Variants in BRIP1 observed in about 807,000 individuals in gnomAD.
The protein encoded by BRIP1 is Fanconi anemia group J protein.
BRIP1 carries 88 observed loss-of-function variants against 119.7 expected under a neutral mutation model. The observed-to-expected ratio is 0.74, with a 90% CI of 0.62 to 0.88. BRIP1 has a LOEUF of 0.88. BRIP1 is among the 40% of genes least tolerant of loss of function. The pLI, the probability that BRIP1 is intolerant of heterozygous loss-of-function variation, is 0.00. For missense variants in BRIP1, 1,259 were observed against 1,455.4 expected (o/e 0.87, Z 2.20); for synonymous variants, 443 against 496.5 (o/e 0.89, Z 1.43).
rs892632060 is a variant in BRIP1 at position 61,851,867 on chromosome 17, C to T, written c.380-2611G>A. Among the ~76,000 whole-genome samples the T allele has an allele frequency of 1.4e-4, 22 of 152,194 alleles. No individual in the cohort carries two copies. The highest frequency in any genetic ancestry group is 5.1e-4 in the African/African-American group (21 of 41,442). ...TGATTCTCAACCAGGCCAATTTTAA[C>T]ACCACCACTTCTCATCCCAGGCATA... is the stretch of plus-strand genomic sequence containing the variant. On this transcript the variant is annotated intron_variant, in intron 4 of 19. Coordinates refer to ENST00000259008, the MANE Select transcript of BRIP1 (RefSeq NM_032043.3). This position sits in a 1 kb window ranked among gnomAD's most constrained non-coding sequence, Gnocchi z 4.6.
At chr17:61,788,190 T>C (rs1035184459) in intron 10 of BRIP1, among the ~76,000 whole-genome samples, 6 of 152,140 alleles carry the variant, frequency 3.9e-5, no homozygotes, top group African/African-American at 1.4e-4. Context: ...CAGTTTTATA[T>C]AGCAATAACA....
At chr17:61,763,964 C>A (rs1438588604) in intron 14 of BRIP1, among the ~76,000 whole-genome samples, 1 of 152,082 alleles carries the variant, frequency 6.6e-6, no homozygotes, top group Non-Finnish European at 1.5e-5. Flanking sequence ...TATCAAATAT[C>A]CAAGATACAT....
rs587780832 is a variant in BRIP1, at chr17:61,847,116, G to A, written c.612C>T (p.Ser204=). 4 of 1,613,876 alleles carry A rather than the reference G, an allele frequency of 2.5e-6. No individual in the cohort carries two copies. The highest frequency in any genetic ancestry group is 3.4e-6 in the Non-Finnish European group (4 of 1,179,870). ...KLNSPLEKIN[S]FSPQKPPGHC... ...TAATACATACTTTCTGTGGCGAAAA[G>A]GAGTTTATCTTTTCCAGTGGAGAGT... The change falls in exon 6 of 20, where the codon TCC becomes TCT. Residue 204 remains serine (S), a synonymous_variant. Transcript: ENST00000259008.
At chr17:61,773,355 C>CA (rs2077487100) in intron 14 of BRIP1, among the ~76,000 whole-genome samples, 1 of 152,004 alleles carries the variant, frequency 6.6e-6, no homozygotes, top group African/African-American at 2.4e-5. Flanking sequence ...ACTGGCTAGC[C>CA]ATATGTAGAA....
At position 61,822,637 on chromosome 17, in the gene BRIP1, G is replaced by A. The variant is rs538989946; in HGVS notation, c.628-13880C>T. Among the ~76,000 whole-genome samples the A allele has an allele frequency of 1.3e-5, 2 of 152,204 alleles. No individual in the cohort carries two copies. The highest frequency in any genetic ancestry group is 4.1e-4 in the South Asian group (2 of 4,830). ...AAGAGCTGAGACAAGGTTTCCTTGT[G>A]GAAGGACAGGAGAAAACATAACATG... On this transcript the variant is annotated intron_variant, in intron 6 of 19. Transcript: ENST00000259008. The surrounding 1 kb of genome is among the most constrained non-coding windows in gnomAD (Gnocchi z 4.4).
At chr17:61,811,778 C>T (rs951335016) in intron 6 of BRIP1, among the ~76,000 whole-genome samples, 3 of 151,188 alleles carry the variant, frequency 2.0e-5, no homozygotes, top group African/African-American at 7.3e-5. Context: ...ATGGTGAAAC[C>T]CTGTCTCTAC....
At position 61,767,934 on chromosome 17, in the gene BRIP1, A is replaced by G. The variant is rs533757080; in HGVS notation, c.2097+8467T>C. On this transcript the variant is annotated intron_variant, in intron 14 of 19. Transcript: ENST00000259008. The surrounding 1 kb of genome is among the most constrained non-coding windows in gnomAD (Gnocchi z 5.7). ...TTCTTTAATACCCACTGAAATATCA[A>G]CCACCTCCTCTAGGAAACTCCTCTG... 1.7e-4 allele frequency among the ~76,000 whole-genome samples: 26 copies of G among 152,230 alleles called. No homozygotes were observed. The highest frequency in any genetic ancestry group is 3.5e-4 in the Non-Finnish European group (24 of 68,012).
At position 61,685,883 on chromosome 17, in the gene BRIP1, G is replaced by A. The variant is rs201672040; in HGVS notation, c.2858C>T (p.Thr953Ile). ...GCTACTTGGTAGAGGTGAATTTTTG[G>A]TAATAATTTTAGGACACTGTAGTTC... ...VQELQCPKII[T>I]KNSPLPSSII... is the part of the protein sequence containing the mutation. The change falls in exon 19 of 20, where the codon ACC (threonine) becomes ATC (isoleucine). Residue 953 changes from threonine (T) to isoleucine (I), a missense_variant. Around this residue, in one of 3 missense-constraint regions of BRIP1, gnomAD observed 753 missense variants for 891.8 expected, o/e 0.84. Coordinates refer to ENST00000259008, the MANE Select transcript of BRIP1 (RefSeq NM_032043.3). The A allele has an allele frequency of 1.2e-6, 2 of 1,613,478 alleles. No individual in the cohort carries two copies. The highest frequency in any genetic ancestry group is 1.3e-5 in the African/African-American group (1 of 74,982).
Position 61,753,724 on chromosome 17 carries a change from C to T in BRIP1, c.2098-9133G>A, listed in dbSNP as rs144183599. 1.8e-4 allele frequency among the ~76,000 whole-genome samples: 27 copies of T among 151,960 alleles called. No homozygotes were observed. Among genetic ancestry groups the T allele is most frequent in the African/African-American group, 5.8e-4 (24 of 41,480 alleles). On this transcript the variant is annotated intron_variant, in intron 14 of 19. Coordinates refer to ENST00000259008, the MANE Select transcript of BRIP1 (RefSeq NM_032043.3). The surrounding 1 kb of genome is among the most constrained non-coding windows in gnomAD (Gnocchi z 4.6). The stretch of plus-strand genomic sequence containing the variant: ...TCAAGCGATCCTCCCACCTCAACCT[C>T]TCAAGTAGCTGGGACTACAGGTATG...
intron 11 of BRIP1, among the ~76,000 whole-genome samples, chr17:61,782,198 A>C (rs1441621950): frequency 6.6e-6 from 1 of 151,990 alleles, no homozygotes; most frequent in Non-Finnish European, 1.5e-5. Flanking sequence ...ATTCTGGCTA[A>C]CACGGTGAAA....
rs1356632757 is a variant in BRIP1, at chr17:61,846,549, G to A, written c.627+552C>T. On this transcript the variant is annotated intron_variant, in intron 6 of 19. Coordinates refer to ENST00000259008, the MANE Select transcript of BRIP1 (RefSeq NM_032043.3). The surrounding 1 kb of genome is among the most constrained non-coding windows in gnomAD (Gnocchi z 4.3). ...CTACAAGTGTGCACCACAACACCCG[G>A]CTAATTTTTGTATTTTTTGTAGAAT... 1.3e-5 allele frequency among the ~76,000 whole-genome samples: 2 copies of A among 152,004 alleles called. No homozygotes were observed. Among genetic ancestry groups the A allele is most frequent in the Non-Finnish European group, 2.9e-5 (2 of 67,996 alleles).
chr17:61,757,322 G>T lies in BRIP1; in HGVS notation c.2098-12731C>A, dbSNP rs1383676258. On this transcript the variant is annotated intron_variant, in intron 14 of 19. Transcript: ENST00000259008. This position sits in a 1 kb window ranked among gnomAD's most constrained non-coding sequence, Gnocchi z 4.3. ...CTCAGCACTTTCACCTCAAGAGGCT[G>T]GGTTATATTTCAGAATCAAACTTTC... 6.6e-6 allele frequency among the ~76,000 whole-genome samples: 1 copy of T among 152,148 alleles called. No homozygotes were observed. The highest frequency in any genetic ancestry group is 1.5e-5 in the Non-Finnish European group (1 of 68,030).
rs1454487876 is a variant in BRIP1, at chr17:61,744,258, T to C, written c.2257+174A>G. Among the ~76,000 whole-genome samples, 1 of 152,196 alleles carries C rather than the reference T, an allele frequency of 6.6e-6. No homozygotes were observed. Among genetic ancestry groups the C allele is most frequent in the Non-Finnish European group, 1.5e-5 (1 of 68,026 alleles). On this transcript the variant is annotated intron_variant, in intron 15 of 19. Coordinates refer to ENST00000259008, the MANE Select transcript of BRIP1 (RefSeq NM_032043.3). The surrounding 1 kb of genome is among the most constrained non-coding windows in gnomAD (Gnocchi z 5.0). The stretch of plus-strand genomic sequence containing the variant: ...CAGCATACTCAAGTGAAAATATTCA[T>C]AGGAGAACAAGTACAATTAAAAGAA...
intron 14 of BRIP1, among the ~76,000 whole-genome samples, chr17:61,750,575 T>C (rs1350253222): frequency 6.6e-6 from 1 of 151,986 alleles, no homozygotes; most frequent in Non-Finnish European, 1.5e-5. Flanking sequence ...AAAATGATAG[T>C]ACACAGAATG....
At position 61,681,828 on chromosome 17, in the gene BRIP1, C is replaced by CTAT. The variant is rs1325330790; in HGVS notation, c.*1465_*1467dup. ...TCTCAAAATGGAAGCAAAGACATAC[C>CTAT]TATATAATGATTCATTTATCCAAAT... On this transcript the variant is annotated 3_prime_UTR_variant, in exon 20 of 20. Transcript: ENST00000259008. This position sits in a 1 kb window ranked among gnomAD's most constrained non-coding sequence, Gnocchi z 5.1. The CTAT allele has an allele frequency of 5.1e-6, 1 of 197,138 alleles. No individual in the cohort carries two copies. The highest frequency in any genetic ancestry group is 2.3e-5 in the African/African-American group (1 of 43,346). 12.2% of individuals were successfully genotyped at this position (197,138 alleles called of 1,614,324 possible). A position where few individuals can be genotyped will look rare whatever the true frequency, so the allele number is the denominator to read the frequency against.
In BRIP1 at chr17:61,681,476, G is replaced by A. The variant is rs114037902; in HGVS notation, c.*1820C>T. The A allele has an allele frequency of 7.1e-3, 1,496 of 210,298 alleles. 20 individuals carry two copies. Among genetic ancestry groups the A allele is most frequent in the African/African-American group, 0.032 (1,419 of 44,186 alleles). 13.0% of individuals were successfully genotyped at this position (210,298 alleles called of 1,614,324 possible). The stretch of plus-strand genomic sequence containing the variant: ...ATTGCCAATATGACTTAGCAAATCA[G>A]TGGCAGAGCCAGGTGTAGAGCCCAA... On this transcript the variant is annotated 3_prime_UTR_variant, in exon 20 of 20. Coordinates refer to ENST00000259008, the MANE Select transcript of BRIP1 (RefSeq NM_032043.3). The surrounding 1 kb of genome is among the most constrained non-coding windows in gnomAD (Gnocchi z 5.1).
At chr17:61,737,629 A>G (rs1018138296) in intron 16 of BRIP1, among the ~76,000 whole-genome samples, 27 of 152,338 alleles carry the variant, frequency 1.8e-4, no homozygotes, top group African/African-American at 6.3e-4. Flanking sequence ...ATTTATAAAA[A>G]TGTTAAGAAA....
rs998784891 is a variant in BRIP1, at chr17:61,809,351, T to G, written c.628-594A>C. ...TATTTAATAATGAAAGCAGGTTGCTTGTGTGGAACAAGTATATCTGAAATT... is the reference window on the plus strand; with the variant it reads ...TATTTAATAATGAAAGCAGGTTGCTGGTGTGGAACAAGTATATCTGAAATT... On this transcript the variant is annotated intron_variant, in intron 6 of 19. Coordinates refer to ENST00000259008, the MANE Select transcript of BRIP1 (RefSeq NM_032043.3). This position sits in a 1 kb window ranked among gnomAD's most constrained non-coding sequence, Gnocchi z 5.2. Among the ~76,000 whole-genome samples the G allele has an allele frequency of 6.6e-6, 1 of 152,190 alleles. No individual in the cohort carries two copies. Among genetic ancestry groups the G allele is most frequent in the African/African-American group, 2.4e-5 (1 of 41,474 alleles).
chr17:61,768,847 G>T lies in BRIP1; in HGVS notation c.2097+7554C>A, dbSNP rs1032571078. Among the ~76,000 whole-genome samples, 1 of 152,058 alleles carries T rather than the reference G, an allele frequency of 6.6e-6. No individual in the cohort carries two copies. Among genetic ancestry groups the T allele is most frequent in the African/African-American group, 2.4e-5 (1 of 41,406 alleles). Reference sequence around the variant, plus strand: ...AATTGATTCTGAGTTAATCAAAAGGGAGATTATCTTGGGTGGACCTGACTT... The same window carrying T: ...AATTGATTCTGAGTTAATCAAAAGGTAGATTATCTTGGGTGGACCTGACTT... On this transcript the variant is annotated intron_variant, in intron 14 of 19. Transcript: ENST00000259008. The surrounding 1 kb of genome is among the most constrained non-coding windows in gnomAD (Gnocchi z 5.0).
Sources: allele counts gnomAD v4.1 joint callset (sites outside exome capture counted in the v4.1 genomes callset), GRCh38; gene constraint gnomAD v4.1.1; regional missense constraint gnomAD v4.1.1; non-coding constraint Gnocchi (gnomAD v3.1); transcripts MANE v1.5; gene names NCBI Gene and HGNC (gene_info 2026-07-23, HGNC 2026-07-21).